Variants in FGF13 observed in about 807,000 individuals in gnomAD.
FGF13 encodes fibroblast growth factor homologous factor 2.
In FGF13, 2 loss-of-function variants were observed where a neutral mutation model predicts 19.5. That is an observed-to-expected ratio of 0.10 (90% confidence interval 0.04 to 0.32). FGF13 has a LOEUF of 0.32. Ranked by LOEUF, FGF13 falls within the 10% of genes least tolerant of loss-of-function variation. FGF13 has a pLI of 1.00. For synonymous variants in FGF13, 72 were observed against 76.9 expected, an observed-to-expected ratio of 0.94 and a Z score of 0.33; for missense variants, 113 against 192.7, an observed-to-expected ratio of 0.59 and a Z score of 2.45.
At chrX:139,168,384 A>G (rs1378607054) in intron 1 of FGF13, among the ~76,000 whole-genome samples, 5 of 111,577 alleles carry the variant, frequency 4.5e-5, no homozygotes, top group Admixed American at 3.8e-4. Context: ...TTTTACAACA[A>G]AAAGCTGACA....
intron 1 of FGF13, among the ~76,000 whole-genome samples, chrX:138,915,645 C>A (rs1039973444): frequency 9.0e-5 from 10 of 111,631 alleles, no homozygotes; most frequent in Non-Finnish European, 1.7e-4. Context: ...GATGAGTAAT[C>A]CCAAATCTTC....
intron 2 of FGF13, among the ~76,000 whole-genome samples, chrX:138,861,981 C>T (rs147724595): frequency 0.018 from 2,019 of 111,452 alleles, 33 homozygotes; most frequent in African/African-American, 0.06. Context: ...CCAACCTGGG[C>T]GACAGAGTGA....
At chrX:138,727,945 G>A (rs1184985531) in intron 1 of FGF13, among the ~76,000 whole-genome samples, 1 of 111,381 alleles carries the variant, frequency 9.0e-6, no homozygotes, top group African/African-American at 3.3e-5. Flanking sequence ...GAAGACAGAT[G>A]GGAAAACTTA....
chrX:138,914,844 T>A (rs1362865724), intron 1 of FGF13, among the ~76,000 whole-genome samples: 1 of 111,377 alleles, frequency 9.0e-6, no homozygotes, highest in African/African-American at 3.3e-5. Context: ...CTGGGTTGTT[T>A]CAGGTCCCAT....
intron 3 of FGF13, among the ~76,000 whole-genome samples, chrX:138,662,718 T>A (rs978148634): frequency 1.8e-5 from 2 of 111,659 alleles, no homozygotes; most frequent in African/African-American, 6.5e-5. Flanking sequence ...GTTTCTAATC[T>A]ATTCTGCAAT....
chrX:139,180,883 T>C (rs773833645), intron 1 of FGF13, among the ~76,000 whole-genome samples: 32 of 112,283 alleles, frequency 2.8e-4, no homozygotes, highest in Non-Finnish European at 5.3e-4. Flanking sequence ...TCAATAGTTA[T>C]CTGCTGCACT....
At chrX:138,995,313 T>C (rs1407933216) in intron 1 of FGF13, among the ~76,000 whole-genome samples, 1 of 112,153 alleles carries the variant, frequency 8.9e-6, no homozygotes, top group Non-Finnish European at 1.9e-5. Context: ...GATTTTTATT[T>C]ATTTTTTAAT....
At chrX:139,012,373 A>C (rs1392726282) in intron 1 of FGF13, among the ~76,000 whole-genome samples, 1 of 111,665 alleles carries the variant, frequency 9.0e-6, no homozygotes, top group East Asian at 2.8e-4. Flanking sequence ...GACCAAAAAA[A>C]GAGCCCACAT....
intron 1 of FGF13, among the ~76,000 whole-genome samples, chrX:139,111,076 T>C (rs376962394): frequency 3.6e-4 from 40 of 111,896 alleles, no homozygotes; most frequent in African/African-American, 1.3e-3. Context: ...TATTTTAGCT[T>C]ATGGTACCTA....
At chrX:139,133,001 G>C (rs1428329338) in intron 1 of FGF13, among the ~76,000 whole-genome samples, 1 of 111,325 alleles carries the variant, frequency 9.0e-6, no homozygotes, top group Admixed American at 9.6e-5. Context: ...TATTGATGGA[G>C]AGTAAGTGGG....
intron 3 of FGF13, among the ~76,000 whole-genome samples, chrX:138,800,720 G>A (rs149740113): frequency 0.011 from 1,183 of 111,744 alleles, 9 homozygotes; most frequent in Middle Eastern, 0.019. Flanking sequence ...CCAATCAATC[G>A]TACGTTTGGT....
intron 3 of FGF13, among the ~76,000 whole-genome samples, chrX:138,752,588 T>A (rs961408288): frequency 1.8e-5 from 2 of 112,299 alleles, no homozygotes; most frequent in African/African-American, 6.5e-5. Flanking sequence ...TACATAAATA[T>A]GCACACTCAG....
chrX:138,634,791 C>T (rs140563055), intron 4 of FGF13, among the ~76,000 whole-genome samples: 1 of 112,125 alleles, frequency 8.9e-6, no homozygotes, highest in East Asian at 2.8e-4. Context: ...CACTTTTACA[C>T]TGCTGGCGAG....
intron 1 of FGF13, among the ~76,000 whole-genome samples, chrX:139,013,517 ATATATATATATAT>A (rs2092140181): frequency 1.2e-5 from 1 of 84,799 alleles, no homozygotes; most frequent in African/African-American, 4.7e-5. Context: ...ATATATATAT[ATATATATATATAT>A]AAAATGAAAT....
chrX:139,100,416 C>T (rs887730640), intron 1 of FGF13, among the ~76,000 whole-genome samples: 5 of 109,040 alleles, frequency 4.6e-5, no homozygotes, highest in Non-Finnish European at 7.6e-5. Context: ...AGAGTAGAGA[C>T]GATAATAGGC....
intron 1 of FGF13, among the ~76,000 whole-genome samples, chrX:138,892,004 G>A (rs867419976): frequency 1.0e-5 from 1 of 97,951 alleles, no homozygotes; most frequent in African/African-American, 4.7e-5. Context: ...ATATACATAT[G>A]TGTGTGTGTG....
At chrX:138,807,526 C>G (rs1346529680) in intron 3 of FGF13, among the ~76,000 whole-genome samples, 1 of 111,957 alleles carries the variant, frequency 8.9e-6, no homozygotes, top group Non-Finnish European at 1.9e-5. Context: ...TAGGAAGAAA[C>G]TGCATCAACT....
chrX:138,928,730 G>A (rs1300771965), intron 1 of FGF13, among the ~76,000 whole-genome samples: 1 of 112,034 alleles, frequency 8.9e-6, no homozygotes, highest in East Asian at 2.8e-4. Context: ...CCTCACTGAT[G>A]ACAAGAATTT....
intron 3 of FGF13, among the ~76,000 whole-genome samples, chrX:138,746,008 G>A (rs1602778065): frequency 8.9e-6 from 1 of 111,785 alleles, no homozygotes; most frequent in East Asian, 2.8e-4. Flanking sequence ...TGAGGTTGGT[G>A]AGGGAGAATA....
Sources: gnomAD v4.1 joint callset for allele counts (sites outside exome capture counted in the v4.1 genomes callset) on GRCh38, gnomAD v4.1.1 for gene constraint, MANE v1.5 for transcripts, NCBI Gene and HGNC (gene_info 2026-07-23, HGNC 2026-07-21) for gene names.